The following PPFIA3 variants were observed in gnomAD, a reference collection of about 807,000 sequenced individuals.
The protein encoded by PPFIA3 is PPFI scaffold protein A3.
PPFIA3 carries 26 observed loss-of-function variants against 145.8 expected under a neutral mutation model. That is an observed-to-expected ratio of 0.18 (90% CI 0.13 to 0.25). PPFIA3 has a LOEUF of 0.25. Among genes scored for constraint, PPFIA3 ranks in the 10% least tolerant of loss-of-function variants. The probability of loss-of-function intolerance (pLI) is 1.00; values close to 1 mark genes in which losing one functional copy is unlikely to be tolerated. For missense variants in PPFIA3, 1,008 were observed against 1,587.8 expected (o/e 0.63, Z 6.21); for synonymous variants, 645 against 661.4 (o/e 0.98, Z 0.38).
chr19:49,139,489 CAAA>C (rs370199974), intron 16 of PPFIA3, among the ~76,000 whole-genome samples, 176 bp from the exon 17 acceptor site: 4 of 64,444 alleles, frequency 6.2e-5, no homozygotes, highest in South Asian at 5.2e-4. Context: ...AACTCCATCT[CAAA>C]AAAAAAAAAA....
chr19:49,134,817 C>T lies in PPFIA3; in HGVS notation c.1441-19C>T, dbSNP rs1568437249. The T allele has an allele frequency of 6.2e-7, 1 of 1,602,054 alleles. No individual in the cohort carries two copies. Among genetic ancestry groups the T allele is most frequent in the Admixed American group, 1.7e-5 (1 of 59,346 alleles). On this transcript the variant is annotated intron_variant, in intron 12 of 29. Transcript: ENST00000334186. ...GGCGGAGCAGATTCTAACCCGACACCTCCAACACCGGCCCCCAGGAGCAGC... is the reference window on the plus strand; with the variant it reads ...GGCGGAGCAGATTCTAACCCGACACTTCCAACACCGGCCCCCAGGAGCAGC...
At chr19:49,129,295 C>T (rs1489717393) in intron 4 of PPFIA3, 85 bp from the exon 5 acceptor site, 8 of 1,392,092 alleles carry the variant, frequency 5.7e-6, no homozygotes, top group South Asian at 2.7e-5. Context: ...CTATCGGATC[C>T]GTCCCAGGGG....
chr19:49,142,190 T>C (rs2041231677), intron 20 of PPFIA3, 75 bp downstream of exon 20: 1 of 1,353,800 alleles, frequency 7.4e-7, no homozygotes, highest in Non-Finnish European at 1.0e-6. Flanking sequence ...GGCTGCCTGG[T>C]CCTCCTGGCG....
At chr19:49,136,068 CT>C in intron 14 of PPFIA3, 145 bp downstream of exon 14, 1 of 1,014,406 alleles carries the variant, frequency 9.9e-7, no homozygotes, top group Non-Finnish European at 1.3e-6. Flanking sequence ...TTCTTCTCTC[CT>C]TCCCTGCAAC....
At position 49,136,903 on chromosome 19, in the gene PPFIA3, G is replaced by A; in HGVS notation, c.1845G>A (p.Lys615=). ...MLQEQLEAIN[K]EIKLIQEEKE... ...AGGAGCAGCTGGAGGCCATCAACAA[G>A]GAGATCAAGTGAGCCCTGGCCCCGC... is the stretch of plus-strand genomic sequence containing the variant. Residue 615 remains lysine, a synonymous_variant, in exon 15 of 30, where the codon AAG becomes AAA. Coordinates refer to ENST00000334186, the MANE Select transcript of PPFIA3 (RefSeq NM_003660.4). 1 of 1,548,288 alleles carries A rather than the reference G, an allele frequency of 6.5e-7. No individual in the cohort carries two copies. Among genetic ancestry groups the A allele is most frequent in the Non-Finnish European group, 8.7e-7 (1 of 1,143,878 alleles).
Position 49,130,347 on chromosome 19 carries a change from G to T in PPFIA3, c.658-31G>T. On this transcript the variant is annotated intron_variant, in intron 6 of 29. Coordinates refer to ENST00000334186, the MANE Select transcript of PPFIA3 (RefSeq NM_003660.4). This position sits in a 1 kb window ranked among gnomAD's most constrained non-coding sequence, Gnocchi z 4.5. ...TCCTCTGTGTCTCCGGAGACACTCT[G>T]GGATCTTGTCCCCTCCTTCCCTCAC... 6.5e-7 allele frequency: 1 copy of T among 1,549,224 alleles called. No homozygotes were observed. The highest frequency in any genetic ancestry group is 2.3e-5 in the East Asian group (1 of 43,402).
rs147872140 is a variant in PPFIA3 at position 49,141,601 on chromosome 19, A to AGTGTGT, written c.2462+98_2462+103dup. 3.9e-5 allele frequency: 32 copies of AGTGTGT among 823,238 alleles called. No individual in the cohort carries two copies. The African/African-American group carries it at 4.4e-4, about 11-fold the overall frequency. The allele number at this position is 823,238 out of a possible 1,614,324, so 51.0% of individuals were successfully genotyped here. A position where few individuals can be genotyped will look rare whatever the true frequency, so the allele number is the denominator to read the frequency against. The stretch of plus-strand genomic sequence containing the variant: ...GTGTGTGCGTGTATGTGTGTGTATG[A>AGTGTGT]GTGTGTGTGTGTGTGAGAGGGTGTG... On this transcript the variant is annotated intron_variant, in intron 19 of 29. Transcript: ENST00000334186.
chr19:49,125,303 A>T (rs2040983746), intron 1 of PPFIA3: 1 of 152,308 alleles, frequency 6.6e-6, no homozygotes, highest in Admixed American at 6.5e-5. Flanking sequence ...CTTTGGACAC[A>T]GTCCGCATAT....
At chr19:49,146,135 C>T (rs1041653396) in intron 22 of PPFIA3, 31 bp from the exon 23 acceptor site, 18 of 1,613,968 alleles carry the variant, frequency 1.1e-5, no homozygotes, top group Non-Finnish European at 1.4e-5. Flanking sequence ...TAACTCACCC[C>T]TTCTCTCCCC....
chr19:49,147,249 G>A (rs2041290975), intron 23 of PPFIA3, among the ~76,000 whole-genome samples: 1 of 152,090 alleles, frequency 6.6e-6, no homozygotes, highest in East Asian at 1.9e-4. Context: ...CAGAGTTAAA[G>A]CAGTGCTTCC....
Position 49,127,878 on chromosome 19 carries a change from T to C in PPFIA3, c.5T>C (p.Met2Thr). 6.3e-7 allele frequency: 1 copy of C among 1,592,382 alleles called. No homozygotes were observed. Among genetic ancestry groups the C allele is most frequent in the Non-Finnish European group, 8.5e-7 (1 of 1,177,852 alleles). M[M>T]CEVMPTISED... ...CCGCAGGCCCGCACCGCCGCCATGATGTGCGAGGTGATGCCCACCATCAGC... is the reference window on the plus strand; with the variant it reads ...CCGCAGGCCCGCACCGCCGCCATGACGTGCGAGGTGATGCCCACCATCAGC... Residue 2 changes from methionine (M) to threonine (T), a missense_variant, in exon 2 of 30, where the codon ATG becomes ACG. Met to Thr is a moderately conservative substitution (Grantham distance 81). Transcript: ENST00000334186.
In PPFIA3 at chr19:49,134,924, A is replaced by T. The variant is rs777841719; in HGVS notation, c.1520+9A>T. ...CCATCCTCCTACTCCAGGTGACAGC[A>T]GCCCTTCTGCCCTGCCCCCACCATG... On this transcript the variant is annotated intron_variant, in intron 13 of 29. Transcript: ENST00000334186. 7 of 1,554,460 alleles carry T rather than the reference A, an allele frequency of 4.5e-6. No individual in the cohort carries two copies. In the East Asian group the frequency reaches 1.4e-4, roughly 30 times the overall value.
chr19:49,142,358 TTC>T (rs1321006674), intron 20 of PPFIA3, among the ~76,000 whole-genome samples: 1 of 151,996 alleles, frequency 6.6e-6, no homozygotes, highest in Non-Finnish European at 1.5e-5. Flanking sequence ...TCTCCTGTCG[TTC>T]TCTCTACTCT....
rs2041333727 is a variant in PPFIA3 at position 49,150,364 on chromosome 19, C to A, written c.*142C>A. ...GGACTGGACCATCTGTACAGACCAG[C>A]GGGAGTGCGCGCGCCCGCCTCGCAC... is the stretch of plus-strand genomic sequence containing the variant. On this transcript the variant is annotated 3_prime_UTR_variant, in exon 30 of 30. Coordinates refer to ENST00000334186, the MANE Select transcript of PPFIA3 (RefSeq NM_003660.4). 1 of 478,022 alleles carries A rather than the reference C, an allele frequency of 2.1e-6. No individual in the cohort carries two copies. The highest frequency in any genetic ancestry group is 3.7e-6 in the Non-Finnish European group (1 of 269,254). 29.6% of individuals were successfully genotyped at this position (478,022 alleles called of 1,614,324 possible).
chr19:49,137,204 C>T (rs1026149929), intron 15 of PPFIA3: 10 of 307,680 alleles, frequency 3.3e-5, no homozygotes, highest in South Asian at 1.5e-4. Flanking sequence ...TCTTCCATTA[C>T]GCCATCGATT....
chr19:49,129,141 G>C (rs2041038805), intron 4 of PPFIA3, 129 bp downstream of exon 4: 1 of 1,105,242 alleles, frequency 9.0e-7, no homozygotes, highest in Admixed American at 2.8e-5. Context: ...GACTGTGATT[G>C]ATTGGGACAG....
In PPFIA3 at chr19:49,133,768, G is replaced by A. The variant is rs1406639060; in HGVS notation, c.1162-28G>A. ...AGCCTGACTGATCCTGGAAGGGTAAGTCACACGCCATGGGTTCCATCTCCT... is the reference window on the plus strand; with the variant it reads ...AGCCTGACTGATCCTGGAAGGGTAAATCACACGCCATGGGTTCCATCTCCT... On this transcript the variant is annotated intron_variant, in intron 9 of 29. Coordinates refer to ENST00000334186, the MANE Select transcript of PPFIA3 (RefSeq NM_003660.4). This position sits in a 1 kb window ranked among gnomAD's most constrained non-coding sequence, Gnocchi z 7.2. 61 of 1,610,490 alleles carry A rather than the reference G, an allele frequency of 3.8e-5. No homozygotes were observed. The highest frequency in any genetic ancestry group is 5.0e-5 in the Non-Finnish European group (59 of 1,178,228).
intron 1 of PPFIA3, among the ~76,000 whole-genome samples, chr19:49,127,415 GGGAAA>G (rs890223469): frequency 4.8e-5 from 7 of 144,702 alleles, no homozygotes; most frequent in African/African-American, 1.0e-4. Flanking sequence ...AAAGAAAGTA[GGGAAA>G]GGAAAAGAAA....
At chr19:49,136,691 A>G (rs2303052) in intron 14 of PPFIA3, 33 bp from the exon 15 acceptor site, 494,420 of 1,357,472 alleles carry the variant, frequency 0.36, 95,196 homozygotes, top group Non-Finnish European at 0.4. Flanking sequence ...GCCCCCAGCC[A>G]CCTAATGTCC....
Sources: gnomAD v4.1 joint callset for allele counts (sites outside exome capture counted in the v4.1 genomes callset) on GRCh38, gnomAD v4.1.1 for gene constraint, Gnocchi (gnomAD v3.1) non-coding constraint, MANE v1.5 for transcripts, NCBI Gene and HGNC (gene_info 2026-07-23, HGNC 2026-07-21) for gene names.